Variants in RAB30 observed in about 807,000 individuals in gnomAD.
RAB30 encodes the protein RAB30, member RAS oncogene family, also known as ras-related protein Rab-30.
In RAB30, 9 loss-of-function variants were observed where a neutral mutation model predicts 25.1. The ratio of observed to expected loss-of-function variants is 0.36; its 90% CI spans 0.22 to 0.63. The LOEUF (loss-of-function observed/expected upper bound fraction) is 0.63. RAB30 is among the 20% of genes least tolerant of loss of function. RAB30 has a pLI of 0.69. For missense variants in RAB30, 140 were observed against 243.5 expected (o/e 0.58, Z 2.83); for synonymous variants, 77 against 86.4 (o/e 0.89, Z 0.60).
chr11:83,044,392 T>C (rs1224303288), intron 1 of RAB30, among the ~76,000 whole-genome samples: 1 of 152,244 alleles, frequency 6.6e-6, no homozygotes, highest in Non-Finnish European at 1.5e-5. Flanking sequence ...GTTCAAAGGA[T>C]ATGGCTTTCT....
At chr11:83,008,522 A>C (rs1286741709) in intron 1 of RAB30, among the ~76,000 whole-genome samples, 2 of 152,172 alleles carry the variant, frequency 1.3e-5, no homozygotes, top group Non-Finnish European at 2.9e-5. Flanking sequence ...CATTGGGCAG[A>C]ATTTCTTACA....
rs866086597 is a variant in RAB30, at chr11:82,977,298, C to G, written c.*4867G>C. The G allele has an allele frequency of 1.8e-4, 28 of 152,154 alleles. No homozygotes were observed. Among genetic ancestry groups the G allele is most frequent in the African/African-American group, 6.8e-4 (28 of 41,436 alleles). The allele number at this position is 152,154 out of a possible 1,614,324, so 9.4% of individuals were successfully genotyped here. A position where few individuals can be genotyped will look rare whatever the true frequency, so the allele number is the denominator to read the frequency against. ...CTTGGCCTAACAACGTGCAACCAAC[C>G]TCTTCCCTGAAAGATAAAGGTGGGA... is the stretch of plus-strand genomic sequence containing the variant. On this transcript the variant is annotated 3_prime_UTR_variant, in exon 5 of 5. Transcript: ENST00000527633.
intron 1 of RAB30, among the ~76,000 whole-genome samples, chr11:83,016,764 C>G (rs562948693): frequency 6.6e-6 from 1 of 152,158 alleles, no homozygotes; most frequent in Admixed American, 6.5e-5. Context: ...AGAACAGAGT[C>G]GGAAGGAAGC....
intron 3 of RAB30, 134 bp from the exon 4 acceptor site, chr11:82,987,904 C>CAA: frequency 1.2e-5 from 1 of 81,854 alleles, no homozygotes; most frequent in African/African-American, 8.4e-5. Flanking sequence ...ATTTTCTGCC[C>CAA]TAAAAAAAAA....
At chr11:83,012,902 C>T (rs1438424852) in intron 1 of RAB30, among the ~76,000 whole-genome samples, 4 of 152,102 alleles carry the variant, frequency 2.6e-5, no homozygotes, top group Admixed American at 1.3e-4. Flanking sequence ...GGCCCCTAGA[C>T]AGGTTCATCC....
intron 1 of RAB30, among the ~76,000 whole-genome samples, chr11:83,052,314 T>A (rs1858374084): frequency 6.6e-6 from 1 of 152,148 alleles, no homozygotes; most frequent in Non-Finnish European, 1.5e-5. Context: ...CTCAAACAGA[T>A]CAAGTGCTCA....
At chr11:83,003,692 A>T (rs894693629) in intron 1 of RAB30, among the ~76,000 whole-genome samples, 1 of 152,056 alleles carries the variant, frequency 6.6e-6, no homozygotes, top group Non-Finnish European at 1.5e-5. Context: ...AAGTGCTGGG[A>T]TTATAGGCAT....
At chr11:82,996,823 T>C (rs1348434844) in intron 2 of RAB30, among the ~76,000 whole-genome samples, 1 of 152,246 alleles carries the variant, frequency 6.6e-6, no homozygotes, top group Non-Finnish European at 1.5e-5. Context: ...GTTTGATTGG[T>C]TTAATTTGTA....
chr11:83,033,335 G>T (rs1387538949), intron 1 of RAB30, among the ~76,000 whole-genome samples: 1 of 152,056 alleles, frequency 6.6e-6, no homozygotes, highest in East Asian at 1.9e-4. Context: ...CAAAGTGCTG[G>T]GATTACAGGT....
chr11:83,057,256 G>A (rs1169419230), intron 1 of RAB30, among the ~76,000 whole-genome samples: 2 of 151,016 alleles, frequency 1.3e-5, no homozygotes, highest in Non-Finnish European at 2.9e-5. Flanking sequence ...CATATTTTGA[G>A]GCTGTTAGCA....
intron 1 of RAB30, among the ~76,000 whole-genome samples, chr11:83,002,064 C>G (rs1214810631): frequency 6.6e-6 from 1 of 152,182 alleles, no homozygotes; most frequent in Non-Finnish European, 1.5e-5. Flanking sequence ...GTCTCAGGAA[C>G]AGGATTCAAA....
chr11:83,051,303 C>T (rs1858352753), intron 1 of RAB30, among the ~76,000 whole-genome samples: 1 of 152,180 alleles, frequency 6.6e-6, no homozygotes, highest in African/African-American at 2.4e-5. Context: ...AAATAAACTT[C>T]ATTTTTATTG....
intron 1 of RAB30, among the ~76,000 whole-genome samples, chr11:83,048,780 A>G (rs991659277): frequency 6.6e-6 from 1 of 152,154 alleles, no homozygotes. Context: ...TGCGACCTCT[A>G]AGGAAAGGTC....
At chr11:82,999,809 G>A (rs968558448) in intron 1 of RAB30, among the ~76,000 whole-genome samples, 3 of 151,816 alleles carry the variant, frequency 2.0e-5, no homozygotes, top group East Asian at 1.9e-4. Context: ...TCTGACCTAC[G>A]AAGGTCCTGG....
intron 1 of RAB30, among the ~76,000 whole-genome samples, chr11:82,997,876 A>G (rs1026241268): frequency 2.6e-5 from 4 of 152,068 alleles, no homozygotes; most frequent in African/African-American, 9.7e-5. Flanking sequence ...TCTATCTCCT[A>G]TACATCTCCT....
chr11:83,011,059 T>C (rs571855828), intron 1 of RAB30, among the ~76,000 whole-genome samples: 3 of 152,372 alleles, frequency 2.0e-5, no homozygotes, highest in East Asian at 3.8e-4. Flanking sequence ...TAAAAATGTG[T>C]TATGCTAGAA....
At chr11:83,063,346 G>GT (rs1277348950) in intron 1 of RAB30, among the ~76,000 whole-genome samples, 1 of 152,220 alleles carries the variant, frequency 6.6e-6, no homozygotes, top group Non-Finnish European at 1.5e-5. Flanking sequence ...TGTAGAGGAA[G>GT]TGAGCAGAAG....
chr11:83,067,793 A>C (rs1034687834), intron 1 of RAB30, among the ~76,000 whole-genome samples: 1 of 152,052 alleles, frequency 6.6e-6, no homozygotes, highest in Non-Finnish European at 1.5e-5. Flanking sequence ...GGAGTTCGAG[A>C]CCAGCCTGGC....
At chr11:83,035,611 C>A (rs1857970453) in intron 1 of RAB30, 1 of 152,252 alleles carries the variant, frequency 6.6e-6, no homozygotes, top group African/African-American at 2.4e-5. Context: ...CACGTGCCTC[C>A]TTTTTAAGCA....
Sources: allele counts gnomAD v4.1 joint callset (sites outside exome capture counted in the v4.1 genomes callset), GRCh38; gene constraint gnomAD v4.1.1; transcripts MANE v1.5; gene names NCBI Gene and HGNC (gene_info 2026-07-23, HGNC 2026-07-21).